Variants in ANKRD44 observed in about 807,000 individuals in gnomAD.
The protein encoded by ANKRD44 is serine/threonine-protein phosphatase 6 regulatory ankyrin repeat subunit B.
A neutral mutation model predicts 116.0 loss-of-function variants in ANKRD44; 35 were observed. The observed-to-expected ratio is 0.30, with a 90% CI of 0.23 to 0.40. The LOEUF (loss-of-function observed/expected upper bound fraction) is 0.40, where lower values mean the gene tolerates loss of function less well. ANKRD44 is among the 10% of genes least tolerant of loss of function. The probability of loss-of-function intolerance (pLI) is 1.00; values close to 1 mark genes in which losing one functional copy is unlikely to be tolerated. For synonymous variants in ANKRD44, 435 were observed against 461.8 expected, an observed-to-expected ratio of 0.94 and a Z score of 0.74; for missense variants, 1,014 against 1,242.6, an observed-to-expected ratio of 0.82 and a Z score of 2.77.
At chr2:197,246,262 C>T (rs1437331092) in intron 1 of ANKRD44, among the ~76,000 whole-genome samples, 2 of 151,164 alleles carry the variant, frequency 1.3e-5, no homozygotes, top group Non-Finnish European at 2.9e-5. Context: ...ACATAGCTCA[C>T]TGCAGCCTGG....
intron 1 of ANKRD44, among the ~76,000 whole-genome samples, chr2:197,227,140 TCCTCTGATA>T (rs994952656): frequency 5.9e-5 from 9 of 152,216 alleles, no homozygotes; most frequent in African/African-American, 2.2e-4. Context: ...CCAACCCCTG[TCCTCTGATA>T]CCTCTCTTTA....
Position 196,995,460 on chromosome 2 carries a change from C to G in ANKRD44, c.2750G>C (p.Gly917Ala), listed in dbSNP as rs779569432. The change falls in exon 26 of 28, where the codon GGT becomes GCT. Residue 917 changes from glycine to alanine, a missense_variant and splice_region_variant. Transcript: ENST00000282272. ...NTPLHLACSK[G>A]HEKCALLILD... is the part of the protein sequence containing the mutation. The stretch of plus-strand genomic sequence containing the variant: ...TATTAACAAGGCACATTTTTCATGA[C>G]CCTAATAAAGAAAAAGAATGATAAG... The G allele has an allele frequency of 1.9e-5, 30 of 1,597,112 alleles. 1 individual carries two copies. The African/African-American group carries it at 3.4e-4, about 18-fold the overall frequency.
At chr2:197,111,952 G>A (rs4395262) in intron 8 of ANKRD44, among the ~76,000 whole-genome samples, 95,286 of 151,970 alleles carry the variant, frequency 0.63, 33,800 homozygotes, top group East Asian at 0.95. Context: ...ATTCATGATC[G>A]AAATTATGAA....
chr2:197,212,031 C>G lies in ANKRD44; in HGVS notation c.28-24925G>C, dbSNP rs977202142. On this transcript the variant is annotated intron_variant, in intron 1 of 27. Transcript: ENST00000282272. This position sits in a 1 kb window ranked among gnomAD's most constrained non-coding sequence, Gnocchi z 4.8. ...AATTCCCTTCACTGAGCCTCTCTCT[C>G]TCTCTCAGTCTCTCTCTCTCTCACA... Among the ~76,000 whole-genome samples, 4 of 110,446 alleles carry G rather than the reference C, an allele frequency of 3.6e-5. No homozygotes were observed. The highest frequency in any genetic ancestry group is 1.2e-4 in the African/African-American group (4 of 32,794). 72.5% of individuals were successfully genotyped at this position (110,446 alleles called of 152,430 possible).
chr2:197,208,009 T>C (rs1464820008), intron 1 of ANKRD44, among the ~76,000 whole-genome samples: 3 of 152,326 alleles, frequency 2.0e-5, no homozygotes. Flanking sequence ...TTGCTATTAT[T>C]GGGCTGTTGG....
intron 25 of ANKRD44, among the ~76,000 whole-genome samples, chr2:196,997,890 T>C (rs2076043206): frequency 6.6e-6 from 1 of 152,222 alleles, no homozygotes; most frequent in Non-Finnish European, 1.5e-5. Context: ...ATCTATTTAT[T>C]TGCTTCACAG....
intron 1 of ANKRD44, among the ~76,000 whole-genome samples, chr2:197,285,141 C>A (rs1004248758): frequency 6.6e-6 from 1 of 151,834 alleles, no homozygotes; most frequent in African/African-American, 2.4e-5. Context: ...ACATCACATT[C>A]TGCAGGAAGT....
chr2:197,297,219 G>GT (rs2105897233), intron 1 of ANKRD44, among the ~76,000 whole-genome samples: 1 of 152,260 alleles, frequency 6.6e-6, no homozygotes, highest in Admixed American at 6.5e-5. Context: ...AAAGAAAAAT[G>GT]TAATTCCTAA....
intron 3 of ANKRD44, among the ~76,000 whole-genome samples, chr2:197,138,032 T>C (rs904878815): frequency 3.3e-5 from 5 of 152,126 alleles, no homozygotes; most frequent in African/African-American, 4.8e-5. Context: ...TCAGAAGATG[T>C]AGATTTGAGT....
At chr2:197,113,742 A>G (rs955084713) in intron 8 of ANKRD44, among the ~76,000 whole-genome samples, 2 of 152,242 alleles carry the variant, frequency 1.3e-5, no homozygotes, top group Non-Finnish European at 2.9e-5. Context: ...TAAAGGGACA[A>G]GTAAATGGAG....
At chr2:197,276,388 T>G (rs1476163927) in intron 1 of ANKRD44, among the ~76,000 whole-genome samples, 1 of 151,652 alleles carries the variant, frequency 6.6e-6, no homozygotes, top group African/African-American at 2.4e-5. Context: ...TAATGAGACA[T>G]CTCTATAACA....
intron 3 of ANKRD44, among the ~76,000 whole-genome samples, chr2:197,139,243 A>G (rs1255813903): frequency 6.6e-6 from 1 of 152,224 alleles, no homozygotes; most frequent in Non-Finnish European, 1.5e-5. Flanking sequence ...GTTTATGTCA[A>G]CAAGAAACTG....
intron 8 of ANKRD44, among the ~76,000 whole-genome samples, chr2:197,119,528 C>T (rs575382891): frequency 7.9e-5 from 12 of 152,190 alleles, no homozygotes; most frequent in Admixed American, 3.9e-4. Context: ...GATTACAGGC[C>T]GAGCCACCAC....
intron 1 of ANKRD44, among the ~76,000 whole-genome samples, chr2:197,308,115 G>A (rs1199871676): frequency 2.6e-5 from 4 of 151,226 alleles, no homozygotes; most frequent in Non-Finnish European, 5.9e-5. Context: ...AGGCTGTAGT[G>A]AGCCATGATC....
intron 1 of ANKRD44, among the ~76,000 whole-genome samples, chr2:197,256,738 G>A (rs1378613337): frequency 6.6e-6 from 1 of 152,126 alleles, no homozygotes; most frequent in Non-Finnish European, 1.5e-5. Flanking sequence ...TACAAAAGGG[G>A]AGGATGTAAG....
intron 17 of ANKRD44, among the ~76,000 whole-genome samples, chr2:197,021,521 C>T (rs748811680): frequency 3.9e-5 from 6 of 152,172 alleles, no homozygotes; most frequent in South Asian, 2.1e-4. Flanking sequence ...TATCTCATTG[C>T]GGTTTTGATT....
chr2:197,157,632 C>T (rs868568461), intron 2 of ANKRD44, among the ~76,000 whole-genome samples: 2 of 134,420 alleles, frequency 1.5e-5, no homozygotes, highest in African/African-American at 2.7e-5. Context: ...GAGCTGAGAT[C>T]GTGCCACTGC....
intron 16 of ANKRD44, chr2:197,077,693 C>T (rs746236379): frequency 2.6e-5 from 4 of 152,174 alleles, no homozygotes; most frequent in Non-Finnish European, 4.4e-5. Flanking sequence ...TTACAAACGG[C>T]TGACTGAGGT....
intron 1 of ANKRD44, among the ~76,000 whole-genome samples, chr2:197,229,079 C>T (rs1357018276): frequency 6.6e-6 from 1 of 152,208 alleles, no homozygotes; most frequent in Non-Finnish European, 1.5e-5. Flanking sequence ...GAGTTATGTG[C>T]TGTGTCTGTG....
Sources: gnomAD v4.1 joint callset for allele counts (sites outside exome capture counted in the v4.1 genomes callset) on GRCh38, gnomAD v4.1.1 for gene constraint, Gnocchi (gnomAD v3.1) non-coding constraint, MANE v1.5 for transcripts, NCBI Gene and HGNC (gene_info 2026-07-23, HGNC 2026-07-21) for gene names.